Variants in PIK3C2G observed in about 807,000 individuals in gnomAD.
The protein encoded by PIK3C2G is phosphatidylinositol 3-kinase C2 domain-containing subunit gamma.
In PIK3C2G, 168 loss-of-function variants were observed where a neutral mutation model predicts 181.1. The observed-to-expected ratio is 0.93, with a 90% CI of 0.82 to 1.05. PIK3C2G has a LOEUF of 1.05. Ranked by LOEUF, PIK3C2G falls within the 50% of genes least tolerant of loss-of-function variation. PIK3C2G has a pLI of 0.00. For synonymous variants in PIK3C2G, 573 were observed against 592.2 expected (o/e 0.97, Z 0.47); for missense variants, 1,869 against 1,732.8 (o/e 1.08, Z -1.40).
intron 5 of PIK3C2G, among the ~76,000 whole-genome samples, chr12:18,310,583 T>TGTCA (rs1209031813): frequency 6.6e-6 from 1 of 151,874 alleles, no homozygotes; most frequent in Non-Finnish European, 1.5e-5. Context: ...TTTGAGTGTC[T>TGTCA]GTCACATAGT....
rs775520565 is a variant in PIK3C2G at position 18,491,433 on chromosome 12, T to C, written c.2686-18T>C. 79 of 1,264,524 alleles carry C rather than the reference T, an allele frequency of 6.2e-5. No homozygotes were observed. The highest frequency in any genetic ancestry group is 8.7e-5 in the Non-Finnish European group (76 of 878,136). The allele number at this position is 1,264,524 out of a possible 1,614,324, so 78.3% of individuals were successfully genotyped here. On this transcript the variant is annotated intron_variant, in intron 19 of 32. Transcript: ENST00000538779. ...TCTTTACATTTTCTTAAATCCTTTT[T>C]CTAATGATTTTTCACAGGAGGTACT...
At chr12:18,601,394 T>C (rs1947703799) in intron 30 of PIK3C2G, among the ~76,000 whole-genome samples, 1 of 152,020 alleles carries the variant, frequency 6.6e-6, no homozygotes, top group African/African-American at 2.4e-5. Context: ...ATATTTTCAC[T>C]CATATGTGGA....
chr12:18,430,970 C>G (rs1946123720), intron 18 of PIK3C2G, among the ~76,000 whole-genome samples: 1 of 151,974 alleles, frequency 6.6e-6, no homozygotes, highest in Non-Finnish European at 1.5e-5. Context: ...AATCTTCCCT[C>G]AACTCTTTTA....
At chr12:18,575,780 C>A (rs1946204813) in intron 29 of PIK3C2G, among the ~76,000 whole-genome samples, 1 of 152,204 alleles carries the variant, frequency 6.6e-6, no homozygotes, top group African/African-American at 2.4e-5. Flanking sequence ...ACGCTTTCTC[C>A]TGTTTAGAAA....
intron 15 of PIK3C2G, among the ~76,000 whole-genome samples, chr12:18,393,353 TG>T (rs1257376830): frequency 2.6e-5 from 4 of 152,092 alleles, no homozygotes; most frequent in Non-Finnish European, 5.9e-5. Context: ...GCCTTCAATG[TG>T]GTGAAACTTG....
chr12:18,566,960 G>T lies in PIK3C2G; in HGVS notation c.3914G>T (p.Trp1305Leu). ...TTCTCTTAAAACAGGTTTCCTCATT[G>T]GTGGCACCTACCTTTTACAAATTCA... The part of the protein sequence containing the change: ...ASLTLPEFPH[W>L]WHLPFTNSDH... Residue 1305 changes from tryptophan (W) to leucine (L), a missense_variant, in exon 29 of 33, where the codon TGG becomes TTG. Transcript: ENST00000538779. The T allele has an allele frequency of 6.3e-7, 1 of 1,580,720 alleles. No individual in the cohort carries two copies. Among genetic ancestry groups the T allele is most frequent in the Non-Finnish European group, 8.7e-7 (1 of 1,151,298 alleles).
At chr12:18,592,162 T>C (rs1261299671) in intron 29 of PIK3C2G, among the ~76,000 whole-genome samples, 1 of 151,802 alleles carries the variant, frequency 6.6e-6, no homozygotes, top group African/African-American at 2.4e-5. Context: ...AGGAGACAAA[T>C]CTGGAATAAA....
At chr12:18,298,261 G>A (rs976252091) in intron 5 of PIK3C2G, among the ~76,000 whole-genome samples, 1 of 151,780 alleles carries the variant, frequency 6.6e-6, no homozygotes, top group Admixed American at 6.6e-5. Context: ...GTTTTGATTT[G>A]CATTGCTCTG....
At chr12:18,490,846 G>A (rs1324626323) in intron 19 of PIK3C2G, among the ~76,000 whole-genome samples, 1 of 152,176 alleles carries the variant, frequency 6.6e-6, no homozygotes, top group Non-Finnish European at 1.5e-5. Context: ...TAAAGGTGTT[G>A]TTTGTGATAT....
chr12:18,673,091 G>T, the PIK3C2G span, among the ~76,000 whole-genome samples: 1 of 152,146 alleles, frequency 6.6e-6, no homozygotes, highest in Non-Finnish European at 1.5e-5. Flanking sequence ...AGCTGAAGCA[G>T]AAAAGTTCTA....
intron 30 of PIK3C2G, among the ~76,000 whole-genome samples, chr12:18,599,660 G>T (rs1435505607): frequency 6.8e-6 from 1 of 146,238 alleles, no homozygotes; most frequent in South Asian, 2.1e-4. Flanking sequence ...ATAAATGAAT[G>T]AATAAATAAA....
At chr12:18,340,510 T>C (rs10505810) in intron 9 of PIK3C2G, among the ~76,000 whole-genome samples, 33,685 of 152,044 alleles carry the variant, frequency 0.22, 3,918 homozygotes, top group South Asian at 0.36. Flanking sequence ...GGCTTTCTAA[T>C]TGGTGATGTT....
chr12:18,295,972 T>C (rs1053616855), intron 5 of PIK3C2G, among the ~76,000 whole-genome samples: 2 of 152,086 alleles, frequency 1.3e-5, no homozygotes, highest in African/African-American at 4.8e-5. Context: ...ACAGGTAGCA[T>C]GTAATAAGTT....
chr12:18,534,781 C>T (rs547468444), intron 24 of PIK3C2G, among the ~76,000 whole-genome samples: 1 of 140,578 alleles, frequency 7.1e-6, no homozygotes, highest in African/African-American at 2.7e-5. Context: ...ATATCTAAAT[C>T]AGTTTTAGAA....
At chr12:18,582,171 A>G (rs546947937) in intron 29 of PIK3C2G, among the ~76,000 whole-genome samples, 1 of 152,302 alleles carries the variant, frequency 6.6e-6, no homozygotes, top group South Asian at 2.1e-4. Flanking sequence ...TAGAAGGGGC[A>G]AGGAAATACA....
chr12:18,694,133 T>A, the PIK3C2G span: 1 of 876,966 alleles, frequency 1.1e-6, no homozygotes, highest in Non-Finnish European at 1.8e-6. Flanking sequence ...AATGGTTGGG[T>A]GATTTCTCAG....
At chr12:18,338,687 G>T (rs534166409) in intron 9 of PIK3C2G, 139 bp downstream of exon 9, 489 of 606,120 alleles carry the variant, frequency 8.1e-4, no homozygotes, top group Admixed American at 2.3e-3. Context: ...GTGTGTGTGT[G>T]TGTGTGTGTG....
At chr12:18,514,050 T>C (rs1942377851) in intron 24 of PIK3C2G, among the ~76,000 whole-genome samples, 1 of 151,890 alleles carries the variant, frequency 6.6e-6, no homozygotes, top group African/African-American at 2.4e-5. Context: ...CTGTTTTGTT[T>C]TTATTTTTGT....
At chr12:18,338,779 T>C (rs78515760) in intron 9 of PIK3C2G, among the ~76,000 whole-genome samples, 7 of 151,676 alleles carry the variant, frequency 4.6e-5, no homozygotes, top group Admixed American at 4.0e-4. Context: ...GCCAAATAGA[T>C]CTGATTAAAC....
Sources: allele counts gnomAD v4.1 joint callset (sites outside exome capture counted in the v4.1 genomes callset), GRCh38; gene constraint gnomAD v4.1.1; transcripts MANE v1.5; gene names NCBI Gene and HGNC (gene_info 2026-07-23, HGNC 2026-07-21).